Variants in MGMT observed in about 807,000 individuals in gnomAD.
MGMT encodes the protein methylated-DNA--protein-cysteine methyltransferase.
A neutral mutation model predicts 15.9 loss-of-function variants in MGMT; 14 were observed. The ratio of observed to expected loss-of-function variants is 0.88; its 90% CI spans 0.58 to 1.37. MGMT has a LOEUF of 1.37. Ranked by LOEUF, MGMT falls within the 40% of genes most tolerant of loss-of-function variation. MGMT has a pLI of 0.00. For synonymous variants in MGMT, 130 were observed against 118.2 expected, an observed-to-expected ratio of 1.10 and a Z score of -0.65; for missense variants, 282 against 268.1, an observed-to-expected ratio of 1.05 and a Z score of -0.36.
At chr10:129,706,511 C>T (rs1328279010) in intron 2 of MGMT, among the ~76,000 whole-genome samples, 1 of 152,194 alleles carries the variant, frequency 6.6e-6, no homozygotes, top group Non-Finnish European at 1.5e-5. Flanking sequence ...ACGTTTCCCA[C>T]CTTTTCACAG....
At chr10:129,467,459 C>T (rs1845181609) in intron 1 of MGMT, 163 bp downstream of exon 1, 1 of 980,742 alleles carries the variant, frequency 1.0e-6, no homozygotes, top group Non-Finnish European at 1.2e-6. Flanking sequence ...CCAAGTGCCT[C>T]CCAGGTGTTG....
intron 2 of MGMT, among the ~76,000 whole-genome samples, chr10:129,542,786 G>C (rs1352844660): frequency 6.6e-6 from 1 of 152,156 alleles, no homozygotes; most frequent in African/African-American, 2.4e-5. Context: ...TGGCGAGCCT[G>C]GAACCCCTTG....
At chr10:129,732,657 C>T (rs1848514292) in intron 3 of MGMT, among the ~76,000 whole-genome samples, 1 of 149,806 alleles carries the variant, frequency 6.7e-6, no homozygotes, top group Admixed American at 6.7e-5. Context: ...ACTGCACCCA[C>T]TAACTCGTCA....
chr10:129,507,855 G>A (rs951970103), intron 1 of MGMT, among the ~76,000 whole-genome samples: 16 of 152,262 alleles, frequency 1.1e-4, no homozygotes, highest in African/African-American at 2.6e-4. Context: ...AAATGTTTTA[G>A]CTGTTAAACT....
chr10:129,629,772 A>G (rs1453292893), intron 2 of MGMT, among the ~76,000 whole-genome samples: 4 of 152,198 alleles, frequency 2.6e-5, no homozygotes, highest in Admixed American at 2.0e-4. Context: ...ACCACAGTGC[A>G]GGTTTTCACT....
intron 2 of MGMT, among the ~76,000 whole-genome samples, chr10:129,569,715 G>C (rs2133038068): frequency 6.6e-6 from 1 of 152,258 alleles, no homozygotes; most frequent in African/African-American, 2.4e-5. Flanking sequence ...CATCAGGGAG[G>C]ATGCAGGAGG....
At chr10:129,519,739 G>T (rs1012068278) in intron 1 of MGMT, among the ~76,000 whole-genome samples, 1 of 152,184 alleles carries the variant, frequency 6.6e-6, no homozygotes, top group Non-Finnish European at 1.5e-5. Context: ...GGGTAAAGAG[G>T]ATTTAATTCT....
In MGMT at chr10:129,507,047, A is replaced by G. The variant is rs555063202; in HGVS notation, c.-12-29194A>G. Among the ~76,000 whole-genome samples, 68 of 152,270 alleles carry G rather than the reference A, an allele frequency of 4.5e-4. 1 individual carries two copies. In the South Asian group the frequency reaches 9.1e-3, roughly 20 times the overall value. On this transcript the variant is annotated intron_variant, in intron 1 of 4. Transcript: ENST00000651593. ...CAAACCTCAGTTTCCCTGTGTCTAA[A>G]GTGGGGGTTCCAGTGCTATGTTATG...
In MGMT at chr10:129,766,979, G is replaced by A. The variant is rs973424905; in HGVS notation, c.606G>A (p.Pro202=). The A allele has an allele frequency of 5.6e-6, 9 of 1,602,308 alleles. No individual in the cohort carries two copies. Among genetic ancestry groups the A allele is most frequent in the East Asian group, 2.2e-5 (1 of 44,734 alleles). The change falls in exon 5 of 5, where the codon CCG becomes CCA. Residue 202 remains proline (P), a synonymous_variant. Transcript: ENST00000651593. ...GAGCGGGAGCTACCTCGGGCTCCCC[G>A]CCTGCTGGCCGAAACTGAGTATGTG... ...LKGAGATSGS[P]PAGRN
chr10:129,682,321 A>T (rs1847861741), intron 2 of MGMT, among the ~76,000 whole-genome samples: 1 of 152,132 alleles, frequency 6.6e-6, no homozygotes, highest in East Asian at 1.9e-4. Context: ...CAGAATAAAA[A>T]GCAGCCAACT....
intron 1 of MGMT, among the ~76,000 whole-genome samples, chr10:129,502,093 G>A (rs1483477716): frequency 6.6e-6 from 1 of 152,224 alleles, no homozygotes; most frequent in Non-Finnish European, 1.5e-5. Flanking sequence ...AGTGGGTTTG[G>A]TGGTGGTTGT....
At chr10:129,679,608 G>A (rs1159612879) in intron 2 of MGMT, among the ~76,000 whole-genome samples, 1 of 152,162 alleles carries the variant, frequency 6.6e-6, no homozygotes, top group Non-Finnish European at 1.5e-5. Flanking sequence ...CCTGATGTCG[G>A]GACGTGCTGT....
chr10:129,689,383 C>A (rs2133126644), intron 2 of MGMT, among the ~76,000 whole-genome samples: 1 of 152,300 alleles, frequency 6.6e-6, no homozygotes, highest in African/African-American at 2.4e-5. Flanking sequence ...AGAGCTCCAG[C>A]TTCTGGTTTG....
chr10:129,640,684 T>C lies in MGMT; in HGVS notation c.126-67211T>C, dbSNP rs145253701. ...GGATTAGAAGAAAAATACAGACCAATATTCCTAATGTACATAAAATGCAAA... is the reference window on the plus strand; with the variant it reads ...GGATTAGAAGAAAAATACAGACCAACATTCCTAATGTACATAAAATGCAAA... On this transcript the variant is annotated intron_variant, in intron 2 of 4. Transcript: ENST00000651593. 2.1e-3 allele frequency among the ~76,000 whole-genome samples: 326 copies of C among 152,288 alleles called. 1 individual carries two copies. Among genetic ancestry groups the C allele is most frequent in the African/African-American group, 7.5e-3 (310 of 41,554 alleles).
chr10:129,734,790 A>G (rs1287511226), intron 3 of MGMT, among the ~76,000 whole-genome samples: 2 of 152,128 alleles, frequency 1.3e-5, no homozygotes, highest in Admixed American at 6.5e-5. Context: ...AATTTTGTCA[A>G]AGGCCTTTTC....
chr10:129,716,793 T>C (rs1848303746), intron 3 of MGMT, among the ~76,000 whole-genome samples: 1 of 152,218 alleles, frequency 6.6e-6, no homozygotes, highest in African/African-American at 2.4e-5. Context: ...AGCACAAATC[T>C]AGCTGAATGT....
intron 2 of MGMT, among the ~76,000 whole-genome samples, chr10:129,671,189 A>G (rs1290328884): frequency 6.6e-6 from 1 of 152,246 alleles, no homozygotes; most frequent in Non-Finnish European, 1.5e-5. Context: ...TGGAAAGAGA[A>G]CACACATTCA....
intron 2 of MGMT, among the ~76,000 whole-genome samples, chr10:129,548,386 T>C (rs1046441260): frequency 4.6e-5 from 7 of 152,242 alleles, no homozygotes; most frequent in African/African-American, 1.7e-4. Context: ...CTCCAAATAG[T>C]GGTTTTTCTT....
chr10:129,648,839 A>G (rs763707961), intron 2 of MGMT, among the ~76,000 whole-genome samples: 21 of 152,206 alleles, frequency 1.4e-4, no homozygotes, highest in Middle Eastern at 3.2e-3. Context: ...TCTGAATATC[A>G]TCCCTGAAGC....
Sources: gnomAD v4.1 joint callset for allele counts (sites outside exome capture counted in the v4.1 genomes callset) on GRCh38, gnomAD v4.1.1 for gene constraint, MANE v1.5 for transcripts, NCBI Gene and HGNC (gene_info 2026-07-23, HGNC 2026-07-21) for gene names.